Variants in ERMP1 observed in about 807,000 individuals in gnomAD.
ERMP1 encodes the protein Felix-ina.
ERMP1 carries 86 observed loss-of-function variants against 92.0 expected under a neutral mutation model. That is an observed-to-expected ratio of 0.93 (90% confidence interval 0.79 to 1.12). ERMP1 has a LOEUF of 1.12. ERMP1 is among the 50% of genes most tolerant of loss of function. The pLI, the probability that ERMP1 is intolerant of heterozygous loss-of-function variation, is 0.00. For synonymous variants in ERMP1, 530 were observed against 412.8 expected, an observed-to-expected ratio of 1.28 and a Z score of -3.44; for missense variants, 1,342 against 1,116.3, an observed-to-expected ratio of 1.20 and a Z score of -2.88.
In ERMP1 at chr9:5,832,925, C is replaced by T. The variant is rs1297459400; in HGVS notation, c.103G>A (p.Ala35Thr). 4 of 1,562,248 alleles carry T rather than the reference C, an allele frequency of 2.6e-6. No homozygotes were observed. Among genetic ancestry groups the T allele is most frequent in the African/African-American group, 1.4e-5 (1 of 70,800 alleles). The change falls in exon 1 of 15, where the codon GCG becomes ACG. Residue 35 changes from alanine (A) to threonine (T), a missense_variant. Physicochemically the swap from Ala to Thr is moderately conservative, Grantham distance 58. Coordinates refer to ENST00000339450, the MANE Select transcript of ERMP1 (RefSeq NM_024896.3). ...CACCCATCCACCAGAGGCTCCTGCGCTCGGGCCTCCCTCTCCGGCGGTGGC... is the reference window on the plus strand; with the variant it reads ...CACCCATCCACCAGAGGCTCCTGCGTTCGGGCCTCCCTCTCCGGCGGTGGC... ...AAPPPEREAR[A>T]QEPLVDGCSG...
intron 2 of ERMP1, among the ~76,000 whole-genome samples, chr9:5,825,918 C>G (rs1426150376): frequency 1.3e-5 from 2 of 151,990 alleles, no homozygotes; most frequent in African/African-American, 4.8e-5. Flanking sequence ...AACTGTCTTG[C>G]TTTTTTAAAG....
chr9:5,866,767 G>T (rs1295106014), intron 5 of ERMP1, among the ~76,000 whole-genome samples: 1 of 152,234 alleles, frequency 6.6e-6, no homozygotes, highest in Non-Finnish European at 1.5e-5. Context: ...GCTGTGGGAA[G>T]AGAGGGTGGG....
At chr9:5,796,873 C>G (rs930502676) in intron 13 of ERMP1, among the ~76,000 whole-genome samples, 1 of 152,102 alleles carries the variant, frequency 6.6e-6, no homozygotes, top group African/African-American at 2.4e-5. Flanking sequence ...GTGGGAACAA[C>G]AGGCTTCGAT....
intron 6 of ERMP1, among the ~76,000 whole-genome samples, chr9:5,846,596 T>A (rs965406424): frequency 6.6e-5 from 10 of 152,226 alleles, no homozygotes; most frequent in African/African-American, 2.4e-4. Context: ...TGTGTGATTA[T>A]CACATCTAAC....
chr9:5,832,332 C>T (rs540439206), intron 1 of ERMP1: 22 of 229,942 alleles, frequency 9.6e-5, no homozygotes, highest in Non-Finnish European at 2.5e-5. Flanking sequence ...ACACAAATTT[C>T]CATCTGGAAA....
intron 6 of ERMP1, among the ~76,000 whole-genome samples, chr9:5,849,073 A>G (rs1586838938): frequency 6.6e-6 from 1 of 152,204 alleles, no homozygotes; most frequent in South Asian, 2.1e-4. Context: ...GCCAGGCTGG[A>G]GTGCAGTGGC....
At chr9:5,833,337 G>A (rs10975309), upstream of ERMP1, among the ~76,000 whole-genome samples, 45,749 of 152,110 alleles carry the variant, frequency 0.3, 7,962 homozygotes, top group East Asian at 0.53. Context: ...CGAGAAAAAT[G>A]AGAGATCGCT....
intron 6 of ERMP1, among the ~76,000 whole-genome samples, chr9:5,851,320 G>A (rs1830304963): frequency 6.6e-6 from 1 of 151,972 alleles, no homozygotes; most frequent in African/African-American, 2.4e-5. Flanking sequence ...ATTTGTTTCT[G>A]TTTACCTATT....
At chr9:5,861,982 T>A (rs1312097180) in intron 5 of ERMP1, among the ~76,000 whole-genome samples, 5 of 152,084 alleles carry the variant, frequency 3.3e-5, no homozygotes, top group African/African-American at 1.2e-4. Context: ...GTTAAAGTTT[T>A]TTAAAAAATC....
At chr9:5,801,112 C>A (rs909871356) in intron 11 of ERMP1, 64 bp downstream of exon 11, 37 of 1,533,322 alleles carry the variant, frequency 2.4e-5, no homozygotes, top group Non-Finnish European at 3.3e-5. Flanking sequence ...CTATTCACTA[C>A]TGAAGCTCAA....
rs1285472083 is a variant in ERMP1 at position 5,812,178 on chromosome 9, T to G, written c.1061A>C (p.His354Pro). 1 of 1,610,530 alleles carries G rather than the reference T, an allele frequency of 6.2e-7. No individual in the cohort carries two copies. The highest frequency in any genetic ancestry group is 8.5e-7 in the Non-Finnish European group (1 of 1,177,988). The change falls in exon 6 of 15, where the codon CAC becomes CCC. Residue 354 changes from histidine (H) to proline (P), a missense_variant. Physicochemically the swap from His to Pro is moderately conservative, Grantham distance 77. Coordinates refer to ENST00000339450, the MANE Select transcript of ERMP1 (RefSeq NM_024896.3). The part of the protein sequence containing the change: ...LAFIENGYIY[H>P]TKYDTADRIL... ...TCTGTCCGCTGTGTCATACTTGGTG[T>G]GATAAATGTATCCATTCTCAATAAA... is the stretch of plus-strand genomic sequence containing the variant.
At chr9:5,820,310 G>A (rs1464347617) in intron 4 of ERMP1, among the ~76,000 whole-genome samples, 2 of 152,100 alleles carry the variant, frequency 1.3e-5, no homozygotes, top group Admixed American at 1.3e-4. Context: ...AAAAGAAAAG[G>A]TGGCTATAAA....
chr9:5,838,566 T>G (rs1830121236), intron 6 of ERMP1, among the ~76,000 whole-genome samples: 1 of 151,916 alleles, frequency 6.6e-6, no homozygotes, highest in Non-Finnish European at 1.5e-5. Flanking sequence ...AATTCATGGT[T>G]TTTGATGTAG....
chr9:5,833,000 C>G lies in ERMP1; in HGVS notation c.28G>C (p.Val10Leu), dbSNP rs1352125261. 2 of 1,557,292 alleles carry G rather than the reference C, an allele frequency of 1.3e-6. No homozygotes were observed. Among genetic ancestry groups the G allele is most frequent in the South Asian group, 1.2e-5 (1 of 86,048 alleles). Residue 10 changes from valine (V) to leucine (L), a missense_variant, in exon 1 of 15, where the codon GTG (valine) becomes CTG (leucine). Transcript: ENST00000339450. ...TCTACTCCGACGCGGTGCCGCCTCA[C>G]AGCAGCCGACTCAGAACCCCACTCC... MEWGSESAAVRRHRVGVERR... is the reference protein window; with the variant it reads MEWGSESAALRRHRVGVERR...
chr9:5,854,782 C>G (rs1336678150), intron 6 of ERMP1, among the ~76,000 whole-genome samples: 1 of 152,216 alleles, frequency 6.6e-6, no homozygotes, highest in Admixed American at 6.5e-5. Context: ...TCTCCTCAGC[C>G]TCCCAAAGTG....
chr9:5,797,262 G>A (rs1241780757), intron 13 of ERMP1, among the ~76,000 whole-genome samples: 1 of 151,268 alleles, frequency 6.6e-6, no homozygotes, highest in Non-Finnish European at 1.5e-5. Flanking sequence ...GGCTGGTCTT[G>A]AACTCCTGGG....
At chr9:5,801,499 A>G (rs972673684) in intron 10 of ERMP1, among the ~76,000 whole-genome samples, 171 bp from the exon 11 acceptor site, 2 of 152,140 alleles carry the variant, frequency 1.3e-5, no homozygotes, top group Admixed American at 6.5e-5. Context: ...ACTCTAGGAG[A>G]TTTCCATTGC....
intron 13 of ERMP1, among the ~76,000 whole-genome samples, chr9:5,792,486 CTA>C (rs1471193584): frequency 6.6e-6 from 1 of 152,174 alleles, no homozygotes; most frequent in Non-Finnish European, 1.5e-5. Context: ...ATATCTGACA[CTA>C]AAAGTTTTTC....
At chr9:5,807,062 C>A (rs1359749086) in intron 8 of ERMP1, among the ~76,000 whole-genome samples, 2 of 152,054 alleles carry the variant, frequency 1.3e-5, no homozygotes, top group African/African-American at 2.4e-5. Flanking sequence ...AGCTGAATGC[C>A]ACTCAGATAT....
Sources: allele counts gnomAD v4.1 joint callset (sites outside exome capture counted in the v4.1 genomes callset), GRCh38; gene constraint gnomAD v4.1.1; transcripts MANE v1.5; gene names NCBI Gene and HGNC (gene_info 2026-07-23, HGNC 2026-07-21).